The following SLC45A4 variants were observed in gnomAD, a reference collection of about 807,000 sequenced individuals.
SLC45A4 encodes the protein polyamine-transporter SLC45A4.
Under a neutral mutation model 63.7 loss-of-function variants are expected in SLC45A4, and 32 were observed. That is an observed-to-expected ratio of 0.50 (90% CI 0.38 to 0.67). SLC45A4 has a LOEUF of 0.67. Among genes scored for constraint, SLC45A4 ranks in the 30% least tolerant of loss-of-function variants. The probability of loss-of-function intolerance (pLI) is 0.00; values close to 1 mark genes in which losing one functional copy is unlikely to be tolerated. For synonymous variants in SLC45A4, 535 were observed against 510.0 expected (o/e 1.05, Z -0.66); for missense variants, 1,027 against 1,157.7 (o/e 0.89, Z 1.64).
chr8:141,254,898 C>T lies in SLC45A4; in HGVS notation c.-400-269G>A, dbSNP rs1052937829. On this transcript the variant is annotated intron_variant, in intron 1 of 8. Coordinates refer to ENST00000517878, the MANE Select transcript of SLC45A4 (RefSeq NM_001286646.2). This position sits in a 1 kb window ranked among gnomAD's most constrained non-coding sequence, Gnocchi z 4.5. ...GGATCAAAGAACAGACAGAGAAAAA[C>T]GCTGGAAATATTCACTCTTTGGCCA... 6 of 381,850 alleles carry T rather than the reference C, an allele frequency of 1.6e-5. No homozygotes were observed. The highest frequency in any genetic ancestry group is 3.1e-5 in the Non-Finnish European group (6 of 195,036). The allele number at this position is 381,850 out of a possible 1,614,324, so 23.7% of individuals were successfully genotyped here. A position where few individuals can be genotyped will look rare whatever the true frequency, so the allele number is the denominator to read the frequency against.
At chr8:141,264,994 T>C (rs1409786168) in intron 1 of SLC45A4, among the ~76,000 whole-genome samples, 1 of 152,264 alleles carries the variant, frequency 6.6e-6, no homozygotes, top group Non-Finnish European at 1.5e-5. Context: ...TTCATTCTTA[T>C]ATTTTCAGTT....
intron 2 of SLC45A4, among the ~76,000 whole-genome samples, chr8:141,249,935 TCTC>T (rs1276067273): frequency 6.6e-6 from 1 of 152,190 alleles, no homozygotes. Context: ...TGATTCCTGC[TCTC>T]CTGCTGAACA....
rs776858074 is a variant in SLC45A4, at chr8:141,215,973, G to A, written c.1730-3C>T. On this transcript the variant is annotated splice_polypyrimidine_tract_variant and splice_region_variant and intron_variant, in intron 6 of 8. Coordinates refer to ENST00000517878, the MANE Select transcript of SLC45A4 (RefSeq NM_001286646.2). The surrounding 1 kb of genome is among the most constrained non-coding windows in gnomAD (Gnocchi z 4.3). ...GTCCAAGTACTTCTGTAACAGGGCT[G>A]CAGAGAGGGGCACAGGGACAAGGAC... 71 of 1,611,936 alleles carry A rather than the reference G, an allele frequency of 4.4e-5. No homozygotes were observed. In the South Asian group the frequency reaches 7.4e-4, roughly 17 times the overall value.
At chr8:141,237,512 C>CCCCT in intron 2 of SLC45A4, among the ~76,000 whole-genome samples, 1 of 152,318 alleles carries the variant, frequency 6.6e-6, no homozygotes, top group South Asian at 2.1e-4. Context: ...CTGCCCTGTT[C>CCCCT]CCCTGTACTC....
At chr8:141,213,367 G>A (rs749458162) in intron 7 of SLC45A4, among the ~76,000 whole-genome samples, 1 of 152,224 alleles carries the variant, frequency 6.6e-6, no homozygotes, top group Admixed American at 6.5e-5. Context: ...CTGTAAGGCT[G>A]CAACCACATG....
intron 8 of SLC45A4, chr8:141,211,938 T>C: frequency 3.2e-6 from 4 of 1,264,922 alleles, no homozygotes; most frequent in Non-Finnish European, 3.0e-6. Flanking sequence ...TCTTTTTCAA[T>C]TAAAAAAAAT....
chr8:141,293,967 T>C (rs1294650425), intron 1 of SLC45A4, among the ~76,000 whole-genome samples: 4 of 143,150 alleles, frequency 2.8e-5, no homozygotes, highest in South Asian at 2.2e-4. Context: ...AAAAAAAAAA[T>C]CATCCGCGGT....
intron 2 of SLC45A4, among the ~76,000 whole-genome samples, chr8:141,251,442 G>A (rs11785274): frequency 0.3 from 45,595 of 150,978 alleles, 7,008 homozygotes; most frequent in East Asian, 0.38. Flanking sequence ...TTCTCGAAGC[G>A]CCCCCCCTGC....
At chr8:141,213,926 G>T (rs761267396) in intron 7 of SLC45A4, among the ~76,000 whole-genome samples, 1 of 152,164 alleles carries the variant, frequency 6.6e-6, no homozygotes, top group South Asian at 2.1e-4. Flanking sequence ...CATACTCTGG[G>T]CTGGGCACAG....
In SLC45A4 at chr8:141,229,091, C is replaced by A. The variant is rs1295010140; in HGVS notation, c.242-7326G>T. On this transcript the variant is annotated intron_variant, in intron 2 of 8. Transcript: ENST00000517878. The surrounding 1 kb of genome is among the most constrained non-coding windows in gnomAD (Gnocchi z 5.0). ...TGCTGCCTCTGCCTGAAGTACTTTA[C>A]CTTCCCCCCTTACCTGACATTCAAT... is the stretch of plus-strand genomic sequence containing the variant. Among the ~76,000 whole-genome samples, 1 of 152,180 alleles carries A rather than the reference C, an allele frequency of 6.6e-6. No homozygotes were observed. The highest frequency in any genetic ancestry group is 1.5e-5 in the Non-Finnish European group (1 of 68,030).
At chr8:141,281,460 G>A (rs528204923) in intron 1 of SLC45A4, among the ~76,000 whole-genome samples, 41 of 152,364 alleles carry the variant, frequency 2.7e-4, no homozygotes, top group Non-Finnish European at 1.5e-4. Flanking sequence ...GGCAGGTGGC[G>A]ACACAGCACA....
rs928786934 is a variant in SLC45A4 at position 141,256,046 on chromosome 8, C to G, written c.-400-1417G>C. ...ACCCCAACCCTCGGCTTTCCACCACCCTGCCTCCAGTGACAAACCCAGCTT... is the reference window on the plus strand; with the variant it reads ...ACCCCAACCCTCGGCTTTCCACCACGCTGCCTCCAGTGACAAACCCAGCTT... On this transcript the variant is annotated intron_variant, in intron 1 of 8. Coordinates refer to ENST00000517878, the MANE Select transcript of SLC45A4 (RefSeq NM_001286646.2). This position sits in a 1 kb window ranked among gnomAD's most constrained non-coding sequence, Gnocchi z 4.3. 1.3e-5 allele frequency among the ~76,000 whole-genome samples: 2 copies of G among 152,142 alleles called. No homozygotes were observed. The highest frequency in any genetic ancestry group is 4.8e-5 in the African/African-American group (2 of 41,428).
At position 141,229,177 on chromosome 8, in the gene SLC45A4, G is replaced by A. The variant is rs1329160008; in HGVS notation, c.242-7412C>T. On this transcript the variant is annotated intron_variant, in intron 2 of 8. Coordinates refer to ENST00000517878, the MANE Select transcript of SLC45A4 (RefSeq NM_001286646.2). This position sits in a 1 kb window ranked among gnomAD's most constrained non-coding sequence, Gnocchi z 5.0. ...GGAGCAGAGTTTTGTGAGCATAGCA[G>A]GCTTCCAACTGACCCCTGGTTCCTC... Among the ~76,000 whole-genome samples the A allele has an allele frequency of 6.6e-6, 1 of 152,078 alleles. No individual in the cohort carries two copies. The highest frequency in any genetic ancestry group is 2.4e-5 in the African/African-American group (1 of 41,400).
In SLC45A4 at chr8:141,256,795, TAAAAC is replaced by T. The variant is rs1383363129; in HGVS notation, c.-400-2171_-400-2167del. On this transcript the variant is annotated intron_variant, in intron 1 of 8. Coordinates refer to ENST00000517878, the MANE Select transcript of SLC45A4 (RefSeq NM_001286646.2). The surrounding 1 kb of genome is among the most constrained non-coding windows in gnomAD (Gnocchi z 4.3). ...TCCTCTACCGTAGAAACATCTCAAT[TAAAAC>T]AAGAGTTTCCAAACTGTCACCTTAC... is the stretch of plus-strand genomic sequence containing the variant. 1 of 350,712 alleles carries T rather than the reference TAAAAC, an allele frequency of 2.9e-6. No homozygotes were observed. Among genetic ancestry groups the T allele is most frequent in the African/African-American group, 2.1e-5 (1 of 46,612 alleles). The allele number at this position is 350,712 out of a possible 1,614,324, so 21.7% of individuals were successfully genotyped here.
chr8:141,299,082 G>A (rs1046602802), intron 1 of SLC45A4, among the ~76,000 whole-genome samples: 5 of 152,172 alleles, frequency 3.3e-5, no homozygotes, highest in African/African-American at 4.8e-5. Context: ...GAGTGCTGCT[G>A]TGACCCCTTC....
Position 141,219,700 on chromosome 8 carries a change from A to C in SLC45A4, c.560T>G (p.Val187Gly), listed in dbSNP as rs1262927619. The change falls in exon 4 of 9, where the codon GTG (valine) becomes GGG (glycine). Residue 187 changes from valine to glycine, a missense_variant. By Grantham distance (109) the Val-to-Gly change is moderately radical (BLOSUM62 -3). Transcript: ENST00000517878. ...GGCCATGTCCTGCTCCTCGCTGTCC[A>C]CCACGTCCAGCAGATAGGCACGGAT... ...GPIRAYLLDVVDSEEQDMALN... is the reference protein window; with the variant it reads ...GPIRAYLLDVGDSEEQDMALN... 6.2e-7 allele frequency: 1 copy of C among 1,612,498 alleles called. No individual in the cohort carries two copies. Among genetic ancestry groups the C allele is most frequent in the Non-Finnish European group, 8.5e-7 (1 of 1,179,636 alleles).
At chr8:141,217,581 G>A (rs1039162988) in intron 5 of SLC45A4, among the ~76,000 whole-genome samples, 1 of 152,222 alleles carries the variant, frequency 6.6e-6, no homozygotes, top group African/African-American at 2.4e-5. Flanking sequence ...GCCCGAGCGT[G>A]TGCTGAGGGC....
intron 1 of SLC45A4, among the ~76,000 whole-genome samples, chr8:141,286,917 G>A (rs920811589): frequency 5.9e-5 from 9 of 152,052 alleles, no homozygotes; most frequent in Non-Finnish European, 8.8e-5. Context: ...CAGTGGGGAG[G>A]AGCTGCAGAG....
At chr8:141,263,485 T>C (rs1488982933) in intron 1 of SLC45A4, among the ~76,000 whole-genome samples, 3 of 151,900 alleles carry the variant, frequency 2.0e-5, no homozygotes, top group Non-Finnish European at 1.5e-5. Flanking sequence ...TCAAGGGTCA[T>C]GGCCGGGCGC....
Sources: gnomAD v4.1 joint callset for allele counts (sites outside exome capture counted in the v4.1 genomes callset) on GRCh38, gnomAD v4.1.1 for gene constraint, Gnocchi (gnomAD v3.1) non-coding constraint, MANE v1.5 for transcripts, NCBI Gene and HGNC (gene_info 2026-07-23, HGNC 2026-07-21) for gene names.